The following LAMA3 variants were observed in gnomAD, a reference collection of about 807,000 sequenced individuals.
LAMA3 encodes laminin subunit alpha-3.
In LAMA3, 281 loss-of-function variants were observed where a neutral mutation model predicts 402.0. The ratio of observed to expected loss-of-function variants is 0.70; its 90% CI spans 0.63 to 0.77. LAMA3 has a LOEUF of 0.77. LAMA3 is among the 30% of genes least tolerant of loss of function. The pLI is 0.00. For missense variants in LAMA3, 3,840 were observed against 4,215.5 expected (o/e 0.91, Z 2.47); for synonymous variants, 1,431 against 1,558.4 (o/e 0.92, Z 1.93).
chr18:23,836,535 G>A (rs140652734), intron 24 of LAMA3, among the ~76,000 whole-genome samples: 10 of 152,334 alleles, frequency 6.6e-5, no homozygotes, highest in African/African-American at 2.4e-4. Flanking sequence ...ACCAGACTGA[G>A]TTTCAGAGGC....
rs769100325 is a variant in LAMA3 at position 23,898,824 on chromosome 18, A to G, written c.5700A>G (p.Gln1900=). 25 of 1,610,282 alleles carry G rather than the reference A, an allele frequency of 1.6e-5. No homozygotes were observed. Among genetic ancestry groups the G allele is most frequent in the Non-Finnish European group, 1.6e-5 (19 of 1,176,628 alleles). Residue 1900 remains glutamine, a synonymous_variant, in exon 45 of 75, where the codon CAA becomes CAG. Transcript: ENST00000313654. ...AAAGAGAACTGACTGATTTGAATCA[A>G]GAATTTGAGACTTTGCAAGAAAAGG... ...GLERELTDLN[Q]EFETLQEKAQ... is the part of the protein sequence containing the mutation.
chr18:23,767,576 T>TTC (rs1392785581), intron 8 of LAMA3, among the ~76,000 whole-genome samples: 2 of 95,254 alleles, frequency 2.1e-5, no homozygotes, highest in Non-Finnish European at 3.9e-5. Flanking sequence ...TTTCTTTCTT[T>TTC]TCTTTTTTTT....
chr18:23,911,145 G>T (rs776300199), intron 55 of LAMA3, among the ~76,000 whole-genome samples: 14 of 137,104 alleles, frequency 1.0e-4, no homozygotes. Context: ...CAAAAAGCAG[G>T]AGAGAATGCC....
At chr18:23,801,224 G>A (rs912858263) in intron 12 of LAMA3, among the ~76,000 whole-genome samples, 2 of 152,142 alleles carry the variant, frequency 1.3e-5, no homozygotes, top group African/African-American at 4.8e-5. Flanking sequence ...CTTATAAGTA[G>A]GAGCTTAACA....
At chr18:23,777,822 G>T (rs115561291) in intron 11 of LAMA3, among the ~76,000 whole-genome samples, 517 of 152,282 alleles carry the variant, frequency 3.4e-3, no homozygotes, top group African/African-American at 0.012. Flanking sequence ...ACTACCTGAC[G>T]TAGGAAACTG....
chr18:23,798,241 C>T (rs189489613), intron 12 of LAMA3, among the ~76,000 whole-genome samples: 12 of 152,230 alleles, frequency 7.9e-5, no homozygotes, highest in Non-Finnish European at 1.2e-4. Flanking sequence ...GGCAGGAATG[C>T]GGAAACGGGT....
chr18:23,813,549 C>CTTTTTTTTTTTTTTTT (rs2063116117), intron 14 of LAMA3, among the ~76,000 whole-genome samples: 1 of 132,338 alleles, frequency 7.6e-6, no homozygotes, highest in Non-Finnish European at 1.6e-5. Flanking sequence ...CTTTTCTTTT[C>CTTTTTTTTTTTTTTTT]TTTCTTTTTT....
chr18:23,954,524 T>A lies in LAMA3; in HGVS notation c.9878T>A (p.Ile3293Asn). 1 of 1,613,776 alleles carries A rather than the reference T, an allele frequency of 6.2e-7. No homozygotes were observed. The highest frequency in any genetic ancestry group is 1.1e-5 in the South Asian group (1 of 91,066). The part of the protein sequence containing the change: ...GAPANLTTLR[I>N]PVWKSFFGCL... ...TCAGCCAATTTGACGACACTGAGGA[T>A]CCCTGTGTGGAAATCATTCTTTGGC... Residue 3293 changes from isoleucine to asparagine, a missense_variant, in exon 75 of 75, where the codon ATC becomes AAC. Transcript: ENST00000313654.
chr18:23,705,683 A>G (rs1231996927), intron 1 of LAMA3, among the ~76,000 whole-genome samples: 3 of 151,900 alleles, frequency 2.0e-5, no homozygotes, highest in Non-Finnish European at 4.4e-5. Context: ...ATGCCCAGCT[A>G]ATTTTTGTAT....
intron 21 of LAMA3, among the ~76,000 whole-genome samples, chr18:23,824,851 A>G (rs907001177): frequency 6.6e-6 from 1 of 152,198 alleles, no homozygotes; most frequent in African/African-American, 2.4e-5. Context: ...ATCAGAACAA[A>G]TGCGAAGCCT....
chr18:23,853,900 G>A (rs967694131), intron 32 of LAMA3, among the ~76,000 whole-genome samples: 2 of 152,160 alleles, frequency 1.3e-5, no homozygotes, highest in African/African-American at 2.4e-5. Flanking sequence ...TATTGTCATG[G>A]CACCACCAAA....
At chr18:23,789,497 A>G (rs1490964324) in intron 12 of LAMA3, among the ~76,000 whole-genome samples, 1 of 152,244 alleles carries the variant, frequency 6.6e-6, no homozygotes, top group Non-Finnish European at 1.5e-5. Flanking sequence ...AAAAGGAACG[A>G]AGTACTTATG....
chr18:23,942,756 T>G (rs1360606988), intron 68 of LAMA3, among the ~76,000 whole-genome samples: 3 of 152,086 alleles, frequency 2.0e-5, no homozygotes, highest in Non-Finnish European at 4.4e-5. Context: ...TTTTGTATTT[T>G]TAGTAGAGAC....
At chr18:23,947,463 G>T (rs1465572073) in intron 70 of LAMA3, among the ~76,000 whole-genome samples, 3 of 152,120 alleles carry the variant, frequency 2.0e-5, no homozygotes, top group Non-Finnish European at 2.9e-5. Context: ...TCAAATCTGG[G>T]CCTAGAAATG....
At chr18:23,872,414 C>G (rs375268628) in intron 38 of LAMA3, among the ~76,000 whole-genome samples, 1 of 152,154 alleles carries the variant, frequency 6.6e-6, no homozygotes, top group African/African-American at 2.4e-5. Flanking sequence ...AAGATCAGGG[C>G]AAAAGCACAA....
At position 23,939,259 on chromosome 18, in the gene LAMA3, G is replaced by A. The variant is rs756747108; in HGVS notation, c.8899G>A (p.Val2967Met). 29 of 1,614,068 alleles carry A rather than the reference G, an allele frequency of 1.8e-5. No individual in the cohort carries two copies. In the African/African-American group the frequency reaches 2.3e-4, roughly 13 times the overall value. The part of the protein sequence containing the change: ...QDTPVASPRS[V>M]KVWQDACSPL... ...CACACCAGTGGCCTCCCCAAGGAGCGTGAAGGTGTGGCAAGATGCTTGCTC... is the reference window on the plus strand; with the variant it reads ...CACACCAGTGGCCTCCCCAAGGAGCATGAAGGTGTGGCAAGATGCTTGCTC... Residue 2967 changes from valine (V) to methionine (M), a missense_variant, in exon 68 of 75, where the codon GTG becomes ATG. Around this residue, in one of 3 missense-constraint regions of LAMA3, gnomAD observed 840 missense variants for 981.9 expected, o/e 0.86. Transcript: ENST00000313654.
At chr18:23,892,371 T>C (rs2080704223) in intron 42 of LAMA3, among the ~76,000 whole-genome samples, 1 of 152,116 alleles carries the variant, frequency 6.6e-6, no homozygotes, top group Admixed American at 6.5e-5. Flanking sequence ...AGAGTTTTGT[T>C]GTTGTTGTTT....
At position 23,811,522 on chromosome 18, in the gene LAMA3, A is replaced by G. The variant is rs557734439; in HGVS notation, c.1741+1019A>G. On this transcript the variant is annotated intron_variant, in intron 13 of 74. Transcript: ENST00000313654. The stretch of plus-strand genomic sequence containing the variant: ...TCCCTAGGATGCGAGGGCATCCTGC[A>G]TGGGTCTGCTCACCTCCATGGGCCT... Among the ~76,000 whole-genome samples the G allele has an allele frequency of 1.6e-4, 25 of 152,228 alleles. No individual in the cohort carries two copies. In the East Asian group the frequency reaches 4.6e-3, roughly 28 times the overall value.
In LAMA3 at chr18:23,714,066, G is replaced by C; in HGVS notation, c.441G>C (p.Leu147=). ...ACAGAGTCAACCTCACCTTGGATCTGGGGCAGGTGAGCTACACTTTTAACT... is the reference window on the plus strand; with the variant it reads ...ACAGAGTCAACCTCACCTTGGATCTCGGGCAGGTGAGCTACACTTTTAACT... ...QYNRVNLTLD[L]GQLFHVAYIL... is the part of the protein sequence containing the mutation. Residue 147 remains leucine (L), a synonymous_variant, in exon 2 of 75, where the codon CTG becomes CTC. Transcript: ENST00000313654. The C allele has an allele frequency of 6.2e-7, 1 of 1,613,728 alleles. No homozygotes were observed. The highest frequency in any genetic ancestry group is 8.5e-7 in the Non-Finnish European group (1 of 1,179,874).
Sources: gnomAD v4.1 joint callset for allele counts (sites outside exome capture counted in the v4.1 genomes callset) on GRCh38, gnomAD v4.1.1 for gene constraint, gnomAD v4.1.1 regional missense constraint, MANE v1.5 for transcripts, NCBI Gene and HGNC (gene_info 2026-07-23, HGNC 2026-07-21) for gene names.